The following PTPRD variants were observed in gnomAD, a reference collection of about 807,000 sequenced individuals.
PTPRD encodes the protein protein tyrosine phosphatase receptor type D.
A neutral mutation model predicts 214.5 loss-of-function variants in PTPRD; 34 were observed. That is an observed-to-expected ratio of 0.16 (90% confidence interval 0.12 to 0.21). PTPRD has a LOEUF of 0.21. PTPRD is among the 10% of genes least tolerant of loss of function. The pLI is 1.00. For missense variants in PTPRD, 2,545 were observed against 2,398.7 expected (o/e 1.06, Z -1.27); for synonymous variants, 1,128 against 845.7 (o/e 1.33, Z -5.79).
intron 2 of PTPRD, among the ~76,000 whole-genome samples, chr9:10,590,428 T>G (rs1426384243): frequency 6.6e-6 from 1 of 152,042 alleles, no homozygotes; most frequent in Non-Finnish European, 1.5e-5. Context: ...AGAATATATT[T>G]ATTATCCTAA....
intron 9 of PTPRD, among the ~76,000 whole-genome samples, chr9:9,258,066 A>T (rs899121915): frequency 6.7e-6 from 1 of 149,302 alleles, no homozygotes; most frequent in Non-Finnish European, 1.5e-5. Flanking sequence ...CAGAATATGA[A>T]AAAAGCTAAT....
intron 8 of PTPRD, among the ~76,000 whole-genome samples, chr9:9,441,023 G>A (rs147704899): frequency 6.6e-6 from 1 of 152,300 alleles, no homozygotes; most frequent in African/African-American, 2.4e-5. Context: ...GAAATGTCCT[G>A]TGAGACTTCC....
chr9:10,203,262 C>T (rs1275199251), intron 3 of PTPRD, among the ~76,000 whole-genome samples: 1 of 150,530 alleles, frequency 6.6e-6, no homozygotes, highest in Non-Finnish European at 1.5e-5. Flanking sequence ...GTGGCTAGCA[C>T]ACAGGAAGCA....
At chr9:8,859,030 A>G (rs1246911401) in intron 11 of PTPRD, among the ~76,000 whole-genome samples, 4 of 152,228 alleles carry the variant, frequency 2.6e-5, no homozygotes, top group African/African-American at 9.6e-5. Context: ...TATTGACAGC[A>G]GTGATAATAC....
intron 3 of PTPRD, among the ~76,000 whole-genome samples, chr9:10,056,437 C>A (rs1462763005): frequency 1.3e-5 from 2 of 149,766 alleles, no homozygotes; most frequent in Non-Finnish European, 3.0e-5. Context: ...TTATTAGCTG[C>A]TGGAAAGAAA....
intron 11 of PTPRD, among the ~76,000 whole-genome samples, chr9:8,990,439 T>C (rs748982025): frequency 6.6e-6 from 1 of 152,132 alleles, no homozygotes; most frequent in Non-Finnish European, 1.5e-5. Flanking sequence ...TAGCACATAG[T>C]AGGTTGTTGG....
At chr9:10,607,082 T>A (rs919099835) in intron 2 of PTPRD, among the ~76,000 whole-genome samples, 4 of 151,904 alleles carry the variant, frequency 2.6e-5, no homozygotes, top group Admixed American at 2.6e-4. Context: ...TTAAGCTATC[T>A]CTGATCTCAT....
chr9:9,439,316 A>C (rs929868567), intron 8 of PTPRD, among the ~76,000 whole-genome samples: 1 of 152,170 alleles, frequency 6.6e-6, no homozygotes, highest in Non-Finnish European at 1.5e-5. Flanking sequence ...CATGCATAAC[A>C]TACTCTGATG....
At chr9:8,530,352 C>A (rs1364447147) in intron 14 of PTPRD, among the ~76,000 whole-genome samples, 1 of 152,072 alleles carries the variant, frequency 6.6e-6, no homozygotes, top group Non-Finnish European at 1.5e-5. Context: ...CATTGAAATT[C>A]TCACCACTTC....
intron 6 of PTPRD, among the ~76,000 whole-genome samples, chr9:9,750,676 A>G (rs146645971): frequency 1.1e-4 from 17 of 152,222 alleles, no homozygotes; most frequent in African/African-American, 4.1e-4. Flanking sequence ...ACCCTTTAAC[A>G]AAACATAAGA....
At chr9:8,396,523 C>T (rs1443527920) in intron 36 of PTPRD, among the ~76,000 whole-genome samples, 2 of 151,510 alleles carry the variant, frequency 1.3e-5, no homozygotes, top group Non-Finnish European at 2.9e-5. Context: ...TTAAAAAAAA[C>T]AAAAAAGCTC....
chr9:9,599,226 T>C (rs890418374), intron 7 of PTPRD, among the ~76,000 whole-genome samples: 1 of 152,084 alleles, frequency 6.6e-6, no homozygotes, highest in Non-Finnish European at 1.5e-5. Flanking sequence ...CCTTCTATTA[T>C]CTGAGTCCCA....
chr9:9,079,565 AC>A (rs2099756124), intron 10 of PTPRD, among the ~76,000 whole-genome samples: 1 of 151,716 alleles, frequency 6.6e-6, no homozygotes, highest in Non-Finnish European at 1.5e-5. Flanking sequence ...TGTTTGAGGA[AC>A]CTTCATACTG....
At chr9:8,813,005 T>C (rs897702736) in intron 11 of PTPRD, among the ~76,000 whole-genome samples, 5 of 152,042 alleles carry the variant, frequency 3.3e-5, no homozygotes, top group African/African-American at 1.2e-4. Flanking sequence ...CCGCTCCTCA[T>C]GATATAATCA....
intron 5 of PTPRD, among the ~76,000 whole-genome samples, chr9:9,850,764 T>G (rs1362943951): frequency 6.6e-6 from 1 of 152,182 alleles, no homozygotes; most frequent in Non-Finnish European, 1.5e-5. Flanking sequence ...TTGTCCTACA[T>G]ATTTTTGAAT....
intron 2 of PTPRD, among the ~76,000 whole-genome samples, chr9:10,353,426 T>G (rs1398360677): frequency 2.0e-5 from 3 of 152,030 alleles, no homozygotes; most frequent in African/African-American, 7.2e-5. Context: ...TCAATATTAA[T>G]TGAATACTTT....
At chr9:9,637,411 T>A (rs1402998996) in intron 7 of PTPRD, among the ~76,000 whole-genome samples, 2 of 152,194 alleles carry the variant, frequency 1.3e-5, no homozygotes, top group African/African-American at 4.8e-5. Context: ...AGAATATACA[T>A]TCCAATTCCA....
At chr9:9,414,055 C>T (rs2076296920) in intron 8 of PTPRD, among the ~76,000 whole-genome samples, 1 of 152,168 alleles carries the variant, frequency 6.6e-6, no homozygotes, top group African/African-American at 2.4e-5. Flanking sequence ...TGAGAATTCA[C>T]CTCCTATTAT....
intron 34 of PTPRD, among the ~76,000 whole-genome samples, chr9:8,444,814 A>G (rs968940093): frequency 2.0e-5 from 3 of 152,310 alleles, no homozygotes; most frequent in African/African-American, 7.2e-5. Context: ...ATTGTTTATA[A>G]AAGAAAGAAA....
Sources: gnomAD v4.1 joint callset for allele counts (sites outside exome capture counted in the v4.1 genomes callset) on GRCh38, gnomAD v4.1.1 for gene constraint, MANE v1.5 for transcripts, NCBI Gene and HGNC (gene_info 2026-07-23, HGNC 2026-07-21) for gene names.